PCDHGA3: variants seen among roughly 807,000 people sequenced by gnomAD.
PCDHGA3 encodes the protein protocadherin gamma subfamily A, 3.
Under a neutral mutation model 58.5 loss-of-function variants are expected in PCDHGA3, and 40 were observed. The ratio of observed to expected loss-of-function variants is 0.68; its 90% CI spans 0.53 to 0.89. The LOEUF is 0.89. Ranked by LOEUF, PCDHGA3 falls within the 40% of genes least tolerant of loss-of-function variation. The pLI is 0.00. For missense variants in PCDHGA3, 1,223 were observed against 1,195.9 expected, an observed-to-expected ratio of 1.02 and a Z score of -0.33; for synonymous variants, 530 against 525.7, an observed-to-expected ratio of 1.01 and a Z score of -0.11.
chr5:141,350,802 A>C (rs1474398479), intron 1 of PCDHGA3: 3 of 1,614,024 alleles, frequency 1.9e-6, no homozygotes, highest in Non-Finnish European at 2.5e-6. Flanking sequence ...TCAACGAAGG[A>C]AAGTCCTGAT....
chr5:141,356,479 C>G, intron 1 of PCDHGA3: 1 of 1,613,936 alleles, frequency 6.2e-7, no homozygotes. Context: ...TGCCACTGAC[C>G]AGGGAACTCC....
chr5:141,494,671 C>T, intron 1 of PCDHGA3, 136 bp from the exon 2 acceptor site: 1 of 1,532,340 alleles, frequency 6.5e-7, no homozygotes, highest in East Asian at 2.4e-5. Context: ...GAGATGAGTC[C>T]ACCCCTGCCC....
chr5:141,439,638 C>T (rs1256973189), intron 1 of PCDHGA3, among the ~76,000 whole-genome samples: 2 of 152,184 alleles, frequency 1.3e-5, no homozygotes, highest in African/African-American at 4.8e-5. Context: ...GACATTCCGG[C>T]TTGGTGGCTT....
intron 1 of PCDHGA3, 194 bp downstream of exon 1, chr5:141,346,651 A>G: frequency 1.2e-6 from 1 of 802,000 alleles, no homozygotes; most frequent in Non-Finnish European, 1.9e-6. Flanking sequence ...GAGTGGGCTT[A>G]GGGAAAAAAT....
Position 141,489,427 on chromosome 5 carries a change from C to A in PCDHGA3, c.2425-5380C>A. ...AAAGATGACAGATCTGTTGAGCCGG[C>A]GGCTGCAATTGGGCTCTGAGGAGAA... On this transcript the variant is annotated intron_variant, in intron 1 of 3. Coordinates refer to ENST00000253812, the MANE Select transcript of PCDHGA3 (RefSeq NM_018916.4). This position sits in a 1 kb window ranked among gnomAD's most constrained non-coding sequence, Gnocchi z 4.5. The A allele has an allele frequency of 6.2e-7, 1 of 1,614,108 alleles. No individual in the cohort carries two copies. The highest frequency in any genetic ancestry group is 1.1e-5 in the South Asian group (1 of 91,086).
chr5:141,402,801 G>A, intron 1 of PCDHGA3: 6 of 1,078,624 alleles, frequency 5.6e-6, no homozygotes, highest in Non-Finnish European at 7.6e-6. Context: ...CACAAAACCC[G>A]GCAGATACCA....
chr5:141,455,377 CAGAA>C (rs2098820699), intron 1 of PCDHGA3, among the ~76,000 whole-genome samples: 1 of 151,970 alleles, frequency 6.6e-6, no homozygotes, highest in Admixed American at 6.6e-5. Flanking sequence ...AGGGAGAAGA[CAGAA>C]GGAAGGAGCT....
At chr5:141,475,778 T>A (rs1204790631) in intron 1 of PCDHGA3, among the ~76,000 whole-genome samples, 1 of 152,400 alleles carries the variant, frequency 6.6e-6, no homozygotes. Context: ...GCGCTTTGGC[T>A]GGAAACTCTG....
intron 1 of PCDHGA3, chr5:141,403,959 C>T (rs1415465011): frequency 2.5e-6 from 4 of 1,613,568 alleles, no homozygotes; most frequent in Non-Finnish European, 3.4e-6. Context: ...GTGCTCATTT[C>T]GGTGGAAGAT....
intron 1 of PCDHGA3, chr5:141,418,060 A>G (rs2096216821): frequency 1.2e-6 from 2 of 1,613,850 alleles, no homozygotes; most frequent in Admixed American, 1.7e-5. Flanking sequence ...GCGAGCTGCG[A>G]GTGAGCGCGG....
chr5:141,365,782 C>T (rs369080489), intron 1 of PCDHGA3: 274 of 1,613,792 alleles, frequency 1.7e-4, no homozygotes, highest in Non-Finnish European at 2.2e-4. Context: ...GCGGCGACAA[C>T]GCTCGAGTCA....
chr5:141,439,487 G>A lies in PCDHGA3; in HGVS notation c.2425-55320G>A, dbSNP rs11952418. 8.3e-3 allele frequency among the ~76,000 whole-genome samples: 1,269 copies of A among 152,266 alleles called. 16 individuals are homozygous for A. Among genetic ancestry groups the A allele is most frequent in the African/African-American group, 0.029 (1,205 of 41,540 alleles). Reference sequence around the variant, plus strand: ...GCTGCCTTTCAGCTTGCAAATTCCAGTGAGAAACGTCTTTCTCTCTGCTCT... The same window carrying A: ...GCTGCCTTTCAGCTTGCAAATTCCAATGAGAAACGTCTTTCTCTCTGCTCT... On this transcript the variant is annotated intron_variant, in intron 1 of 3. Coordinates refer to ENST00000253812, the MANE Select transcript of PCDHGA3 (RefSeq NM_018916.4).
intron 1 of PCDHGA3, chr5:141,398,933 A>C: frequency 1.2e-6 from 2 of 1,614,010 alleles, no homozygotes; most frequent in Non-Finnish European, 1.7e-6. Context: ...GCCACTGACC[A>C]AGACGAGGGC....
Position 141,422,497 on chromosome 5 carries a change from A to G in PCDHGA3, c.2425-72310A>G, listed in dbSNP as rs1257927470. 1.9e-6 allele frequency: 3 copies of G among 1,613,874 alleles called. No homozygotes were observed. In the African/African-American group the frequency reaches 4.0e-5, roughly 22 times the overall value. On this transcript the variant is annotated intron_variant, in intron 1 of 3. Transcript: ENST00000253812. Reference sequence around the variant, plus strand: ...GGTCCAGAGCTACAATATAACGTTGACAGCCACAGACCAGGGAAGCCCGCC... The same window carrying G: ...GGTCCAGAGCTACAATATAACGTTGGCAGCCACAGACCAGGGAAGCCCGCC...
In PCDHGA3 at chr5:141,459,848, C is replaced by T. The variant is rs573481876; in HGVS notation, c.2425-34959C>T. Among the ~76,000 whole-genome samples the T allele has an allele frequency of 1.1e-4, 16 of 152,244 alleles. No homozygotes were observed. In the South Asian group the frequency reaches 2.5e-3, roughly 24 times the overall value. ...TTTCATGTGTTGTCTATTTGTATATCTTCTTGAAGCATTCGTTCATCTTTA... is the reference window on the plus strand; with the variant it reads ...TTTCATGTGTTGTCTATTTGTATATTTTCTTGAAGCATTCGTTCATCTTTA... On this transcript the variant is annotated intron_variant, in intron 1 of 3. Transcript: ENST00000253812.
chr5:141,390,366 A>G, intron 1 of PCDHGA3: 1 of 1,524,656 alleles, frequency 6.6e-7, no homozygotes, highest in Non-Finnish European at 8.9e-7. Flanking sequence ...TTGCAGGAAA[A>G]TATATAATTT....
At chr5:141,430,589 G>A in intron 1 of PCDHGA3, 1 of 529,266 alleles carries the variant, frequency 1.9e-6, no homozygotes, top group Non-Finnish European at 3.1e-6. Context: ...TGCTCGCCTT[G>A]CACGCGCCTG....
chr5:141,415,304 C>A, intron 1 of PCDHGA3: 1 of 1,614,188 alleles, frequency 6.2e-7, no homozygotes, highest in Non-Finnish European at 8.5e-7. Context: ...GTCTTCCTGG[C>A]CTTCGTCATC....
chr5:141,383,492 G>C (rs1012277194), intron 1 of PCDHGA3: 3 of 1,613,178 alleles, frequency 1.9e-6, no homozygotes, highest in Non-Finnish European at 2.5e-6. Flanking sequence ...GTGCTGGAGC[G>C]GGTGCTGGAC....
Sources: allele counts gnomAD v4.1 joint callset (sites outside exome capture counted in the v4.1 genomes callset), GRCh38; gene constraint gnomAD v4.1.1; non-coding constraint Gnocchi (gnomAD v3.1); transcripts MANE v1.5; gene names NCBI Gene and HGNC (gene_info 2026-07-23, HGNC 2026-07-21).